EPHA4: variants seen among roughly 807,000 people sequenced by gnomAD.
EPHA4 encodes ephrin type-A receptor 4.
Under a neutral mutation model 108.3 loss-of-function variants are expected in EPHA4, and 19 were observed. The observed-to-expected ratio is 0.18, with a 90% confidence interval of 0.12 to 0.26. The LOEUF is 0.26. Ranked by LOEUF, EPHA4 falls within the 10% of genes least tolerant of loss-of-function variation. EPHA4 has a pLI of 1.00. For missense variants in EPHA4, 917 were observed against 1,254.0 expected (o/e 0.73, Z 4.06); for synonymous variants, 449 against 455.5 (o/e 0.99, Z 0.18).
rs777036218 is a variant in EPHA4 at position 221,434,244 on chromosome 2, A to G, written c.2394T>C (p.Tyr798=). ...CATCACTTGCTGATGTGAATTTACG[A>G]TAGGCAATTGCTTCTGGCGCAGTCC... ...IRWTAPEAIA[Y]RKFTSASDVW... is the part of the protein sequence containing the mutation. Residue 798 remains tyrosine, a synonymous_variant, in exon 14 of 18, where the codon TAT becomes TAC. Coordinates refer to ENST00000281821, the MANE Select transcript of EPHA4 (RefSeq NM_004438.5). The G allele has an allele frequency of 2.4e-5, 38 of 1,614,142 alleles. No individual in the cohort carries two copies. Among genetic ancestry groups the G allele is most frequent in the Non-Finnish European group, 3.1e-5 (36 of 1,179,996 alleles).
chr2:221,555,450 C>A (rs985067589), intron 3 of EPHA4, among the ~76,000 whole-genome samples: 1 of 152,194 alleles, frequency 6.6e-6, no homozygotes, highest in Non-Finnish European at 1.5e-5. Flanking sequence ...AGACAGCTGA[C>A]GACCTGCATT....
chr2:221,519,616 G>A (rs1693097431), intron 3 of EPHA4, among the ~76,000 whole-genome samples: 1 of 152,142 alleles, frequency 6.6e-6, no homozygotes, highest in African/African-American at 2.4e-5. Context: ...ACTTTCAATG[G>A]CAAAAACCGC....
intron 5 of EPHA4, among the ~76,000 whole-genome samples, chr2:221,473,073 G>A (rs1192276008): frequency 6.6e-6 from 1 of 152,160 alleles, no homozygotes; most frequent in Non-Finnish European, 1.5e-5. Context: ...AGGAAGCCAA[G>A]GGGTTCACTA....
chr2:221,492,025 C>T (rs1380759613), intron 4 of EPHA4, among the ~76,000 whole-genome samples: 1 of 151,972 alleles, frequency 6.6e-6, no homozygotes, highest in Non-Finnish European at 1.5e-5. Flanking sequence ...AAAGAAGATA[C>T]CCCGTTCTCA....
chr2:221,439,953 G>A (rs1036573734), intron 11 of EPHA4, among the ~76,000 whole-genome samples: 1 of 152,072 alleles, frequency 6.6e-6, no homozygotes, highest in Non-Finnish European at 1.5e-5. Context: ...CTCCCTAGTC[G>A]GACTCTTGGC....
chr2:221,501,123 G>A lies in EPHA4; in HGVS notation c.873C>T (p.Ala291=), dbSNP rs760511437. The part of the protein sequence containing the change: ...YKALSTDATC[A]KCPPHSYSVW... ...CAGAGTAGCTGTGGGGTGGGCACTT[G>A]GCACAGGTGGCATCCGTGGAGAGAG... Residue 291 remains alanine, a synonymous_variant, in exon 4 of 18, where the codon GCC becomes GCT. Transcript: ENST00000281821. 4 of 1,613,226 alleles carry A rather than the reference G, an allele frequency of 2.5e-6. No homozygotes were observed. The African/African-American group carries it at 5.3e-5, about 22-fold the overall frequency.
intron 17 of EPHA4, among the ~76,000 whole-genome samples, chr2:221,421,321 A>G (rs1207427814): frequency 6.6e-6 from 1 of 152,206 alleles, no homozygotes; most frequent in Non-Finnish European, 1.5e-5. Context: ...AAAAGAAAAA[A>G]AAGAAAAATG....
At chr2:221,514,097 G>T (rs1418042235) in intron 3 of EPHA4, among the ~76,000 whole-genome samples, 1 of 150,282 alleles carries the variant, frequency 6.7e-6, no homozygotes, top group East Asian at 1.9e-4. Flanking sequence ...CCGGGGGGAG[G>T]GGGTTTGAAA....
At chr2:221,534,024 C>A (rs1030171733) in intron 3 of EPHA4, among the ~76,000 whole-genome samples, 7 of 152,174 alleles carry the variant, frequency 4.6e-5, no homozygotes, top group Non-Finnish European at 8.8e-5. Context: ...CATATAAGAA[C>A]AGCCCTAGGT....
intron 5 of EPHA4, among the ~76,000 whole-genome samples, chr2:221,470,515 G>A (rs73994261): frequency 0.048 from 7,225 of 149,624 alleles, 614 homozygotes; most frequent in African/African-American, 0.17. Flanking sequence ...ATGCTGAGAA[G>A]GTGGGTTTTA....
At chr2:221,447,924 C>T (rs1286849229) in intron 8 of EPHA4, among the ~76,000 whole-genome samples, 3 of 151,892 alleles carry the variant, frequency 2.0e-5, no homozygotes, top group Admixed American at 6.6e-5. Flanking sequence ...TCACTGCAAC[C>T]TCCACCTCTA....
intron 3 of EPHA4, among the ~76,000 whole-genome samples, chr2:221,563,463 G>C (rs901214613): frequency 7.2e-5 from 11 of 152,176 alleles, no homozygotes; most frequent in African/African-American, 2.7e-4. Context: ...TTACATTTCA[G>C]AGGGCGCATC....
chr2:221,437,207 C>A, intron 11 of EPHA4, 85 bp from the exon 12 acceptor site: 2 of 931,650 alleles, frequency 2.1e-6, no homozygotes, highest in Non-Finnish European at 3.4e-6. Context: ...AATTTTACTG[C>A]CAAGATACCT....
intron 3 of EPHA4, among the ~76,000 whole-genome samples, chr2:221,525,245 C>G (rs550167866): frequency 6.6e-6 from 1 of 152,310 alleles, no homozygotes; most frequent in East Asian, 1.9e-4. Context: ...ACACCCATCA[C>G]GCTGCGTGGA....
At chr2:221,462,305 T>C (rs77335219) in intron 5 of EPHA4, among the ~76,000 whole-genome samples, 1 of 152,176 alleles carries the variant, frequency 6.6e-6, no homozygotes, top group East Asian at 1.9e-4. Context: ...TTTTCAAACC[T>C]TTACAGCAAA....
intron 3 of EPHA4, among the ~76,000 whole-genome samples, chr2:221,510,855 TA>T (rs2106165146): frequency 6.6e-6 from 1 of 152,336 alleles, no homozygotes; most frequent in South Asian, 2.1e-4. Context: ...AGTTCCAAAG[TA>T]AGTAAACTAA....
intron 6 of EPHA4, among the ~76,000 whole-genome samples, chr2:221,457,074 A>G (rs1364376749): frequency 6.6e-6 from 1 of 152,106 alleles, no homozygotes; most frequent in Non-Finnish European, 1.5e-5. Context: ...TTCTAGTTCC[A>G]CACCCAGCAA....
intron 3 of EPHA4, among the ~76,000 whole-genome samples, chr2:221,537,966 C>A (rs140335801): frequency 1.3e-5 from 2 of 152,228 alleles, no homozygotes; most frequent in East Asian, 1.9e-4. Context: ...TTCAAGGATT[C>A]ATTTGCATGA....
intron 5 of EPHA4, 132 bp from the exon 6 acceptor site, chr2:221,458,122 A>C: frequency 9.2e-7 from 1 of 1,082,794 alleles, no homozygotes; most frequent in Non-Finnish European, 1.3e-6. Flanking sequence ...TGACCATTTT[A>C]CTCTTCAGTA....
Sources: gnomAD v4.1 joint callset for allele counts (sites outside exome capture counted in the v4.1 genomes callset) on GRCh38, gnomAD v4.1.1 for gene constraint, MANE v1.5 for transcripts, NCBI Gene and HGNC (gene_info 2026-07-23, HGNC 2026-07-21) for gene names.